Variants in RYR2 observed in about 807,000 individuals in gnomAD.
RYR2 encodes the protein cardiac muscle ryanodine receptor-calcium release channel.
Under a neutral mutation model 601.1 loss-of-function variants are expected in RYR2, and 227 were observed. The ratio of observed to expected loss-of-function variants is 0.38; its 90% confidence interval spans 0.34 to 0.42. The LOEUF (loss-of-function observed/expected upper bound fraction) is 0.42. RYR2 is among the 10% of genes least tolerant of loss of function. The probability of loss-of-function intolerance (pLI) is 1.00; values close to 1 mark genes in which losing one functional copy is unlikely to be tolerated. For missense variants in RYR2, 4,646 were observed against 6,156.5 expected (o/e 0.75, Z 8.21); for synonymous variants, 2,223 against 2,175.1 (o/e 1.02, Z -0.61).
intron 1 of RYR2, among the ~76,000 whole-genome samples, chr1:237,131,811 C>G (rs945902815): frequency 2.0e-5 from 3 of 151,972 alleles, no homozygotes; most frequent in Admixed American, 6.6e-5. Flanking sequence ...GCTTCGACCT[C>G]CAGGGTTCAA....
intron 10 of RYR2, among the ~76,000 whole-genome samples, chr1:237,404,932 G>A (rs2149958875): frequency 6.6e-6 from 1 of 152,300 alleles, no homozygotes; most frequent in African/African-American, 2.4e-5. Context: ...AAAACTGCAA[G>A]GCACTGAATT....
At chr1:237,354,180 T>C (rs1406882689) in intron 3 of RYR2, among the ~76,000 whole-genome samples, 2 of 152,230 alleles carry the variant, frequency 1.3e-5, no homozygotes, top group East Asian at 3.8e-4. Flanking sequence ...GATATTCTGT[T>C]TGTTACATTA....
intron 2 of RYR2, among the ~76,000 whole-genome samples, chr1:237,315,284 T>C (rs998527656): frequency 2.0e-5 from 3 of 152,190 alleles, no homozygotes; most frequent in Non-Finnish European, 4.4e-5. Flanking sequence ...CTGTGCAAGA[T>C]AGTTTTAACA....
intron 84 of RYR2, among the ~76,000 whole-genome samples, chr1:237,767,041 C>T (rs1231505917): frequency 2.2e-5 from 2 of 90,036 alleles, no homozygotes; most frequent in African/African-American, 8.6e-5. Context: ...GACTTCAAAG[C>T]ACTTTTAATT....
intron 63 of RYR2, among the ~76,000 whole-genome samples, chr1:237,695,302 T>C (rs1209668945): frequency 6.6e-6 from 1 of 152,230 alleles, no homozygotes; most frequent in Non-Finnish European, 1.5e-5. Context: ...ATTTTAATTA[T>C]GTACTTTTTA....
At chr1:237,658,924 A>G (rs924762013) in intron 54 of RYR2, among the ~76,000 whole-genome samples, 1 of 152,242 alleles carries the variant, frequency 6.6e-6, no homozygotes, top group Non-Finnish European at 1.5e-5. Context: ...TAATTTCTAC[A>G]TATTATAAGT....
At chr1:237,093,516 C>G (rs1667192958) in intron 1 of RYR2, among the ~76,000 whole-genome samples, 1 of 152,124 alleles carries the variant, frequency 6.6e-6, no homozygotes. Flanking sequence ...CAAGAGAGTC[C>G]AGGCTGACCC....
At chr1:237,681,725 G>A (rs1203601617) in intron 62 of RYR2, among the ~76,000 whole-genome samples, 10 of 152,076 alleles carry the variant, frequency 6.6e-5, no homozygotes, top group Admixed American at 6.5e-4. Context: ...CTTGAACATG[G>A]CCTTCCTTCC....
chr1:237,444,422 G>T (rs1487223858), intron 13 of RYR2, among the ~76,000 whole-genome samples: 1 of 152,042 alleles, frequency 6.6e-6, no homozygotes, highest in South Asian at 2.1e-4. Context: ...TTTATATAAG[G>T]AGTTTCCTCT....
Position 237,697,436 on chromosome 1 carries a change from T to C in RYR2, c.9068-1529T>C, listed in dbSNP as rs927618746. Among the ~76,000 whole-genome samples, 15 of 142,908 alleles carry C rather than the reference T, an allele frequency of 1.0e-4. No homozygotes were observed. The East Asian group carries it at 3.0e-3, about 28-fold the overall frequency. 93.8% of individuals were successfully genotyped at this position (142,908 alleles called of 152,430 possible). ...AATTATATCATATATAATTATATAA[T>C]ATATATTTATGTAAATATATATTAT... On this transcript the variant is annotated intron_variant, in intron 63 of 104. Coordinates refer to ENST00000366574, the MANE Select transcript of RYR2 (RefSeq NM_001035.3).
At chr1:237,394,082 T>G (rs1702615917) in intron 10 of RYR2, among the ~76,000 whole-genome samples, 1 of 152,196 alleles carries the variant, frequency 6.6e-6, no homozygotes. Context: ...CAATTAAAAT[T>G]TAAGAACATG....
intron 1 of RYR2, among the ~76,000 whole-genome samples, chr1:237,223,762 A>T (rs1684075874): frequency 6.6e-6 from 1 of 152,208 alleles, no homozygotes; most frequent in Non-Finnish European, 1.5e-5. Flanking sequence ...TTTACATATC[A>T]GAAATTTGAA....
At chr1:237,744,912 T>C (rs561871823) in intron 80 of RYR2, among the ~76,000 whole-genome samples, 1 of 151,182 alleles carries the variant, frequency 6.6e-6, no homozygotes, top group South Asian at 2.1e-4. Flanking sequence ...TTCCCCTGCC[T>C]CAGCCTCCCG....
At chr1:237,497,242 T>G (rs905827674) in intron 20 of RYR2, among the ~76,000 whole-genome samples, 4 of 152,198 alleles carry the variant, frequency 2.6e-5, no homozygotes, top group South Asian at 4.1e-4. Context: ...TTGTAAAGTG[T>G]GGTATGAGGA....
At chr1:237,484,167 C>G (rs538122216) in intron 17 of RYR2, among the ~76,000 whole-genome samples, 1 of 152,142 alleles carries the variant, frequency 6.6e-6, no homozygotes, top group Non-Finnish European at 1.5e-5. Context: ...AATCTTTTGT[C>G]CAGTATTATT....
chr1:237,715,698 C>G (rs1194488858), intron 71 of RYR2, among the ~76,000 whole-genome samples: 1 of 152,076 alleles, frequency 6.6e-6, no homozygotes, highest in Non-Finnish European at 1.5e-5. Flanking sequence ...CAAACCAATA[C>G]AATTTAGACT....
chr1:237,237,405 G>A (rs757823999), intron 1 of RYR2, among the ~76,000 whole-genome samples: 3 of 152,088 alleles, frequency 2.0e-5, no homozygotes, highest in Non-Finnish European at 4.4e-5. Flanking sequence ...CCTCGCTCTA[G>A]GCCAGAGGAC....
At chr1:237,139,065 AC>A (rs1306987915) in intron 1 of RYR2, among the ~76,000 whole-genome samples, 2 of 152,202 alleles carry the variant, frequency 1.3e-5, no homozygotes, top group African/African-American at 4.8e-5. Context: ...ATATATCCAC[AC>A]AAAAACTTGC....
intron 2 of RYR2, among the ~76,000 whole-genome samples, chr1:237,290,472 C>T (rs1692075919): frequency 6.6e-6 from 1 of 152,146 alleles, no homozygotes; most frequent in Admixed American, 6.5e-5. Context: ...AGTGTTAAAA[C>T]TCATCAAGTT....
Sources: allele counts gnomAD v4.1 joint callset (sites outside exome capture counted in the v4.1 genomes callset), GRCh38; gene constraint gnomAD v4.1.1; transcripts MANE v1.5; gene names NCBI Gene and HGNC (gene_info 2026-07-23, HGNC 2026-07-21).